TSHZ2: variants seen among roughly 807,000 people sequenced by gnomAD.
TSHZ2 encodes teashirt zinc finger homeobox 2, also known as teashirt homolog 2.
Under a neutral mutation model 74.4 loss-of-function variants are expected in TSHZ2, and 21 were observed. The ratio of observed to expected loss-of-function variants is 0.28; its 90% CI spans 0.20 to 0.41. The LOEUF is 0.41. TSHZ2 is among the 10% of genes least tolerant of loss of function. The probability of loss-of-function intolerance (pLI) is 1.00; values close to 1 mark genes in which losing one functional copy is unlikely to be tolerated. For missense variants in TSHZ2, 1,244 were observed against 1,293.5 expected, an observed-to-expected ratio of 0.96 and a Z score of 0.59; for synonymous variants, 540 against 515.3, an observed-to-expected ratio of 1.05 and a Z score of -0.65.
chr20:53,376,290 T>C (rs985251831), intron 2 of TSHZ2, among the ~76,000 whole-genome samples: 1 of 152,216 alleles, frequency 6.6e-6, no homozygotes, highest in African/African-American at 2.4e-5. Flanking sequence ...CTTTCTGTGC[T>C]AAAATCGGGA....
At chr20:53,374,043 T>C (rs1048322665) in intron 2 of TSHZ2, among the ~76,000 whole-genome samples, 8 of 152,246 alleles carry the variant, frequency 5.3e-5, no homozygotes, top group African/African-American at 1.9e-4. Flanking sequence ...GTTTGTTATA[T>C]AGGTAAATTG....
chr20:53,345,629 T>C (rs1023142341), intron 2 of TSHZ2, among the ~76,000 whole-genome samples: 2 of 151,988 alleles, frequency 1.3e-5, no homozygotes, highest in Non-Finnish European at 2.9e-5. Context: ...ATTCACCAAA[T>C]TAGAGTTTGC....
intron 2 of TSHZ2, among the ~76,000 whole-genome samples, chr20:53,340,781 T>C (rs62208331): frequency 6.6e-6 from 1 of 152,154 alleles, no homozygotes; most frequent in Non-Finnish European, 1.5e-5. Flanking sequence ...CTTTCTCTCT[T>C]CTTTGTCTTG....
At chr20:53,093,386 G>A (rs949912457) in intron 1 of TSHZ2, among the ~76,000 whole-genome samples, 1 of 152,198 alleles carries the variant, frequency 6.6e-6, no homozygotes, top group African/African-American at 2.4e-5. Context: ...ATTGACCCAA[G>A]TGTCTTTTCT....
intron 1 of TSHZ2, among the ~76,000 whole-genome samples, chr20:53,163,360 C>CTTTTTTTTTTTTTTTT (rs55685519): frequency 1.4e-4 from 9 of 65,634 alleles, no homozygotes; most frequent in Admixed American, 2.0e-4. Context: ...CTCTCTGTCT[C>CTTTTTTTTTTTTTTTT]TTTTTTTTTT....
intron 1 of TSHZ2, among the ~76,000 whole-genome samples, chr20:53,096,392 C>T (rs1986047940): frequency 6.6e-6 from 1 of 152,164 alleles, no homozygotes; most frequent in African/African-American, 2.4e-5. Flanking sequence ...ATCCACTCGC[C>T]TAAGCCTCCC....
chr20:53,306,898 C>A (rs185671715), intron 2 of TSHZ2, among the ~76,000 whole-genome samples: 2 of 152,104 alleles, frequency 1.3e-5, no homozygotes, highest in South Asian at 2.1e-4. Flanking sequence ...AGTTGGACAC[C>A]GACATGCTAC....
At chr20:53,289,545 T>C (rs1291503211) in intron 2 of TSHZ2, among the ~76,000 whole-genome samples, 1 of 152,220 alleles carries the variant, frequency 6.6e-6, no homozygotes, top group Non-Finnish European at 1.5e-5. Flanking sequence ...AGGTTTTATG[T>C]TGCATTCCCT....
chr20:53,466,254 T>G (rs935062559), intron 2 of TSHZ2, among the ~76,000 whole-genome samples: 1 of 60,194 alleles, frequency 1.7e-5, no homozygotes, highest in Non-Finnish European at 3.5e-5. Flanking sequence ...CCTCGAAAAA[T>G]AAAAATAAAA....
intron 1 of TSHZ2, among the ~76,000 whole-genome samples, chr20:53,194,750 A>G (rs1988820562): frequency 6.6e-6 from 1 of 152,240 alleles, no homozygotes; most frequent in Non-Finnish European, 1.5e-5. Flanking sequence ...CACCCAGCCC[A>G]GGCAGGAAGA....
chr20:53,476,822 C>CA (rs1458550954), intron 2 of TSHZ2, among the ~76,000 whole-genome samples: 6 of 144,314 alleles, frequency 4.2e-5, no homozygotes, highest in Non-Finnish European at 9.1e-5. Context: ...TCTCAGGATA[C>CA]AAAATCAATG....
rs61760184 is a variant in TSHZ2 at position 53,255,361 on chromosome 20, C to A, written c.1903C>A (p.Arg635Ser). The A allele has an allele frequency of 3.7e-6, 6 of 1,613,920 alleles. No homozygotes were observed. Among genetic ancestry groups the A allele is most frequent in the Non-Finnish European group, 5.1e-6 (6 of 1,180,010 alleles). ...SFSHSEGDSF[R>S]KSETPPEAKK... ...CAGCCACAGTGAGGGCGATTCTTTCCGCAAAAGTGAAACACCTCCAGAAGC... is the reference window on the plus strand; with the variant it reads ...CAGCCACAGTGAGGGCGATTCTTTCAGCAAAAGTGAAACACCTCCAGAAGC... The change falls in exon 2 of 3, where the codon CGC (arginine) becomes AGC (serine). Residue 635 changes from arginine (R) to serine (S), a missense_variant. Around this residue, in one of 6 missense-constraint regions of TSHZ2, gnomAD observed 562 missense variants for 544.0 expected, o/e 1.03. Transcript: ENST00000371497. The surrounding 1 kb of genome is among the most constrained non-coding windows in gnomAD (Gnocchi z 4.1).
chr20:53,363,687 C>T (rs1981151524), intron 2 of TSHZ2, among the ~76,000 whole-genome samples: 1 of 152,160 alleles, frequency 6.6e-6, no homozygotes, highest in African/African-American at 2.4e-5. Flanking sequence ...GTGGCTCATG[C>T]CTGTAATCCC....
At chr20:53,092,415 G>A (rs768154447) in intron 1 of TSHZ2, among the ~76,000 whole-genome samples, 5 of 152,096 alleles carry the variant, frequency 3.3e-5, no homozygotes, top group Admixed American at 6.5e-5. Flanking sequence ...CATATTACCC[G>A]TTGACTGTGT....
chr20:53,304,772 C>G (rs995146114), intron 2 of TSHZ2, among the ~76,000 whole-genome samples: 1 of 152,046 alleles, frequency 6.6e-6, no homozygotes, highest in Admixed American at 6.6e-5. Flanking sequence ...GCTGGGATTA[C>G]AGGCACGCAC....
At chr20:53,389,670 C>T (rs1014094125) in intron 2 of TSHZ2, among the ~76,000 whole-genome samples, 6 of 152,144 alleles carry the variant, frequency 3.9e-5, no homozygotes, top group Non-Finnish European at 7.4e-5. Context: ...GTTGCCTACC[C>T]GCTTGCTTTG....
At chr20:53,118,826 T>C (rs989057715) in intron 1 of TSHZ2, among the ~76,000 whole-genome samples, 1 of 151,824 alleles carries the variant, frequency 6.6e-6, no homozygotes, top group Non-Finnish European at 1.5e-5. Context: ...TGAGACTGGG[T>C]GATTTATAAA....
At chr20:53,018,049 A>G (rs1320280703) in intron 1 of TSHZ2, among the ~76,000 whole-genome samples, 1 of 152,202 alleles carries the variant, frequency 6.6e-6, no homozygotes, top group Admixed American at 6.5e-5. Context: ...GGAAAACATC[A>G]CATTCAAACT....
At chr20:53,110,957 A>G (rs759136548) in intron 1 of TSHZ2, among the ~76,000 whole-genome samples, 4 of 152,220 alleles carry the variant, frequency 2.6e-5, no homozygotes, top group African/African-American at 4.8e-5. Flanking sequence ...AAGAGATGAC[A>G]TGTAGAATAG....
Sources: allele counts gnomAD v4.1 joint callset (sites outside exome capture counted in the v4.1 genomes callset), GRCh38; gene constraint gnomAD v4.1.1; regional missense constraint gnomAD v4.1.1; non-coding constraint Gnocchi (gnomAD v3.1); transcripts MANE v1.5; gene names NCBI Gene and HGNC (gene_info 2026-07-23, HGNC 2026-07-21).